SLC35F3: variants seen among roughly 807,000 people sequenced by gnomAD.
SLC35F3 encodes the protein solute carrier family 35 member F3, also known as putative thiamine transporter SLC35F3.
In SLC35F3, 25 loss-of-function variants were observed where a neutral mutation model predicts 49.9. The observed-to-expected ratio is 0.50, with a 90% CI of 0.37 to 0.70. The LOEUF (loss-of-function observed/expected upper bound fraction) is 0.70. SLC35F3 is among the 30% of genes least tolerant of loss of function. The probability of loss-of-function intolerance (pLI) is 0.00; values close to 1 mark genes in which losing one functional copy is unlikely to be tolerated. For missense variants in SLC35F3, 525 were observed against 639.8 expected (o/e 0.82, Z 1.94); for synonymous variants, 275 against 265.4 (o/e 1.04, Z -0.35).
chr1:234,139,957 A>AATAAAATAAAAT (rs1295866502), intron 2 of SLC35F3, among the ~76,000 whole-genome samples: 2,167 of 122,178 alleles, frequency 0.018, 92 homozygotes, highest in African/African-American at 0.069. Context: ...AAAATAATAA[A>AATAAAATAAAAT]ATAAAATAAA....
chr1:234,208,675 T>A (rs1667009190), intron 2 of SLC35F3, among the ~76,000 whole-genome samples: 1 of 152,146 alleles, frequency 6.6e-6, no homozygotes, highest in South Asian at 2.1e-4. Flanking sequence ...GCAGGGAGTA[T>A]AAAACTTACA....
intron 2 of SLC35F3, among the ~76,000 whole-genome samples, chr1:233,940,309 G>C (rs1333214925): frequency 6.6e-6 from 1 of 151,908 alleles, no homozygotes; most frequent in Non-Finnish European, 1.5e-5. Flanking sequence ...TTAAGTATTT[G>C]GGTTTTAGAG....
chr1:234,290,271 G>A (rs1339792980), intron 3 of SLC35F3, among the ~76,000 whole-genome samples: 1 of 152,130 alleles, frequency 6.6e-6, no homozygotes, highest in Non-Finnish European at 1.5e-5. Flanking sequence ...GAAGCAAAAT[G>A]AAGAAAATGG....
At chr1:234,237,316 G>A (rs1457824597) in intron 3 of SLC35F3, among the ~76,000 whole-genome samples, 2 of 152,136 alleles carry the variant, frequency 1.3e-5, no homozygotes, top group South Asian at 2.1e-4. Context: ...TGTGAATCCT[G>A]AAGTATTATA....
chr1:234,201,783 G>GT (rs1420045369), intron 2 of SLC35F3, among the ~76,000 whole-genome samples: 6 of 152,016 alleles, frequency 3.9e-5, no homozygotes, highest in African/African-American at 4.8e-5. Flanking sequence ...TTTGCGTGTG[G>GT]TTTTTTCCAT....
intron 2 of SLC35F3, among the ~76,000 whole-genome samples, chr1:234,195,664 G>GT (rs1341028735): frequency 6.6e-6 from 1 of 152,056 alleles, no homozygotes; most frequent in African/African-American, 2.4e-5. Flanking sequence ...CTGCAACCAC[G>GT]TACCTGCCAC....
intron 2 of SLC35F3, among the ~76,000 whole-genome samples, chr1:233,993,151 G>A (rs1045697937): frequency 6.6e-6 from 1 of 152,108 alleles, no homozygotes; most frequent in South Asian, 2.1e-4. Context: ...ATTTTTAGTA[G>A]AGACGGGGTT....
chr1:234,216,438 G>A (rs533658434), intron 2 of SLC35F3, among the ~76,000 whole-genome samples: 21 of 152,304 alleles, frequency 1.4e-4, no homozygotes, highest in African/African-American at 4.8e-4. Context: ...AGTGGCATGC[G>A]AGGCACAGGT....
chr1:233,904,919 G>C lies in SLC35F3; in HGVS notation c.-159G>C. On this transcript the variant is annotated 5_prime_UTR_variant, in exon 1 of 8. Transcript: ENST00000366618. ...CCGCGGAGGCGCTCGGGTACAGACCGCGCGGGCGCGCACAAAGCGGCCCGG... is the reference window on the plus strand; with the variant it reads ...CCGCGGAGGCGCTCGGGTACAGACCCCGCGGGCGCGCACAAAGCGGCCCGG... 1.4e-6 allele frequency: 1 copy of C among 693,426 alleles called. No individual in the cohort carries two copies. Among genetic ancestry groups the C allele is most frequent in the Non-Finnish European group, 2.2e-6 (1 of 451,062 alleles). 43.0% of individuals were successfully genotyped at this position (693,426 alleles called of 1,614,324 possible).
At chr1:234,094,524 G>A (rs1257566820) in intron 2 of SLC35F3, among the ~76,000 whole-genome samples, 4 of 152,162 alleles carry the variant, frequency 2.6e-5, no homozygotes, top group African/African-American at 9.7e-5. Context: ...ATTGTTTTCT[G>A]TAAATCTTTT....
chr1:234,117,558 C>G (rs1665506374), intron 2 of SLC35F3, among the ~76,000 whole-genome samples: 1 of 150,574 alleles, frequency 6.6e-6, no homozygotes, highest in Non-Finnish European at 1.5e-5. Flanking sequence ...CACCATTGCA[C>G]TCCAGCCTGG....
At chr1:234,279,984 G>A (rs888022328) in intron 3 of SLC35F3, among the ~76,000 whole-genome samples, 3 of 152,102 alleles carry the variant, frequency 2.0e-5, no homozygotes, top group Non-Finnish European at 2.9e-5. Context: ...ATCACACTTG[G>A]CAATGGCTAC....
chr1:234,290,698 T>C (rs1264655994), intron 3 of SLC35F3, among the ~76,000 whole-genome samples: 1 of 152,172 alleles, frequency 6.6e-6, no homozygotes, highest in Non-Finnish European at 1.5e-5. Flanking sequence ...AGAAAATTAA[T>C]CAAACCAGCT....
At chr1:234,193,234 A>G (rs1277702894) in intron 2 of SLC35F3, among the ~76,000 whole-genome samples, 1 of 152,244 alleles carries the variant, frequency 6.6e-6, no homozygotes, top group African/African-American at 2.4e-5. Context: ...TGGTACTGGT[A>G]TAAAAATAGG....
Position 234,320,019 on chromosome 1 carries a change from C to G in SLC35F3, c.1148-79C>G, listed in dbSNP as rs1189927641. 2 of 969,122 alleles carry G rather than the reference C, an allele frequency of 2.1e-6. No homozygotes were observed. Among genetic ancestry groups the G allele is most frequent in the Non-Finnish European group, 3.3e-6 (2 of 599,018 alleles). 60.0% of individuals were successfully genotyped at this position (969,122 alleles called of 1,614,324 possible). On this transcript the variant is annotated intron_variant, in intron 6 of 7. Transcript: ENST00000366618. This position sits in a 1 kb window ranked among gnomAD's most constrained non-coding sequence, Gnocchi z 4.8. ...ATGACTCCAGCCTCATCAGGAAAAC[C>G]TGGGTCAGATAGGCCAGCAGGGAGG...
rs189304555 is a variant in SLC35F3 at position 234,201,046 on chromosome 1, G to A, written c.284-30371G>A. Among the ~76,000 whole-genome samples the A allele has an allele frequency of 7.9e-4, 120 of 152,236 alleles. 1 individual carries two copies. The highest frequency in any genetic ancestry group is 3.4e-3 in the Middle Eastern group (1 of 294). On this transcript the variant is annotated intron_variant, in intron 2 of 7. Coordinates refer to ENST00000366618, the MANE Select transcript of SLC35F3 (RefSeq NM_173508.4). ...ACAGTGTCCAGGCCCTCCTTTGCAG[G>A]AGCACAGTATATCATCTCTAGCCAT... is the stretch of plus-strand genomic sequence containing the variant.
At chr1:234,266,042 GCT>G (rs1667973997) in intron 3 of SLC35F3, among the ~76,000 whole-genome samples, 1 of 152,070 alleles carries the variant, frequency 6.6e-6, no homozygotes, top group Admixed American at 6.5e-5. Flanking sequence ...CTCCTGCCCA[GCT>G]CTGTTTTTCT....
chr1:233,971,492 C>T (rs532956797), intron 2 of SLC35F3, among the ~76,000 whole-genome samples: 6 of 152,122 alleles, frequency 3.9e-5, no homozygotes, highest in Non-Finnish European at 8.8e-5. Flanking sequence ...GAGGCCGAGG[C>T]GGGTGGATCA....
intron 2 of SLC35F3, among the ~76,000 whole-genome samples, chr1:233,941,947 G>GT (rs1181871213): frequency 4.8e-5 from 5 of 104,740 alleles, no homozygotes; most frequent in East Asian, 6.0e-4. Flanking sequence ...TCTTGGGGTT[G>GT]TTTTTTGTTT....
Sources: gnomAD v4.1 joint callset for allele counts (sites outside exome capture counted in the v4.1 genomes callset) on GRCh38, gnomAD v4.1.1 for gene constraint, Gnocchi (gnomAD v3.1) non-coding constraint, MANE v1.5 for transcripts, NCBI Gene and HGNC (gene_info 2026-07-23, HGNC 2026-07-21) for gene names.